STARD6: variants seen among roughly 807,000 people sequenced by gnomAD.
STARD6 encodes the protein StAR related lipid transfer domain containing 6.
STARD6 carries 21 observed loss-of-function variants against 22.3 expected under a neutral mutation model. That is an observed-to-expected ratio of 0.94 (90% CI 0.67 to 1.35). The LOEUF (loss-of-function observed/expected upper bound fraction) is 1.35. STARD6 is among the 40% of genes most tolerant of loss of function. STARD6 has a pLI of 0.00. For synonymous variants in STARD6, 80 were observed against 88.1 expected (o/e 0.91, Z 0.52); for missense variants, 269 against 266.9 (o/e 1.01, Z -0.05).
intron 4 of STARD6, among the ~76,000 whole-genome samples, chr18:54,341,777 G>C (rs994991824): frequency 1.3e-5 from 2 of 152,118 alleles, no homozygotes; most frequent in Admixed American, 6.5e-5. Context: ...GCAGTGCTTA[G>C]AGGAAAATTT....
chr18:54,339,127 GAA>G (rs202065894), intron 4 of STARD6, among the ~76,000 whole-genome samples: 1 of 111,198 alleles, frequency 9.0e-6, no homozygotes, highest in Non-Finnish European at 1.9e-5. Context: ...ACGAAAGCAG[GAA>G]AAAAAAAAGG....
chr18:54,337,097 A>G (rs1249227839), intron 5 of STARD6, 28 bp downstream of exon 5: 2 of 1,583,096 alleles, frequency 1.3e-6, no homozygotes, highest in Non-Finnish European at 1.7e-6. Context: ...TTAATGTTCT[A>G]GAAGTCCAGT....
At chr18:54,351,588 T>C (rs889329798) in intron 4 of STARD6, among the ~76,000 whole-genome samples, 1 of 152,230 alleles carries the variant, frequency 6.6e-6, no homozygotes, top group African/African-American at 2.4e-5. Flanking sequence ...GGGTTTGTTA[T>C]AGATGGCTTT....
At chr18:54,351,898 CGT>C (rs1491401643) in intron 4 of STARD6, among the ~76,000 whole-genome samples, 6,434 of 61,140 alleles carry the variant, frequency 0.11, 213 homozygotes, top group African/African-American at 0.2. Flanking sequence ...GATATTGGTC[CGT>C]TTTTTTTTTT....
chr18:54,333,542 G>A (rs1415873321), intron 5 of STARD6, among the ~76,000 whole-genome samples: 2 of 152,208 alleles, frequency 1.3e-5, no homozygotes, highest in African/African-American at 4.8e-5. Flanking sequence ...TTTCATTTGT[G>A]ATGCCCAGTG....
chr18:54,335,447 G>A (rs1240328592), intron 5 of STARD6, among the ~76,000 whole-genome samples: 1 of 152,014 alleles, frequency 6.6e-6, no homozygotes, highest in Non-Finnish European at 1.5e-5. Context: ...ACCCGCCTCT[G>A]CCTCCCAAAG....
intron 2 of STARD6, among the ~76,000 whole-genome samples, chr18:54,354,809 T>C (rs2089130004): frequency 6.6e-6 from 1 of 152,242 alleles, no homozygotes; most frequent in South Asian, 2.1e-4. Flanking sequence ...GGTCATATCT[T>C]GTCTCTGCCA....
At chr18:54,331,943 AT>A in intron 5 of STARD6, 84 bp from the exon 6 acceptor site, 5 of 891,830 alleles carry the variant, frequency 5.6e-6, no homozygotes, top group Non-Finnish European at 8.5e-6. Flanking sequence ...TTTATTGCAT[AT>A]GATTGGCCTC....
At chr18:54,354,443 A>G (rs754649763) in intron 3 of STARD6, 41 bp downstream of exon 3, 2 of 1,520,110 alleles carry the variant, frequency 1.3e-6, no homozygotes. Flanking sequence ...TTTCTTACTT[A>G]AAAACAAAGT....
At chr18:54,327,466 G>A (rs1315648107) in intron 7 of STARD6, among the ~76,000 whole-genome samples, 1 of 152,054 alleles carries the variant, frequency 6.6e-6, no homozygotes, top group Non-Finnish European at 1.5e-5. Flanking sequence ...AGTTCAAGGA[G>A]GAAAGGAATG....
Position 54,337,220 on chromosome 18 carries a change from G to A in STARD6, c.172C>T (p.Pro58Ser). The change falls in exon 5 of 8, where the codon CCA becomes TCA. Residue 58 changes from proline to serine, a missense_variant. Physicochemically the swap from Pro to Ser is moderately conservative, Grantham distance 74. Coordinates refer to ENST00000307844, the MANE Select transcript of STARD6 (RefSeq NM_139171.2). ...YRVEGIIPES[P>S]AKLSDFLYQT... is the part of the protein sequence containing the mutation. The stretch of plus-strand genomic sequence containing the variant: ...TAGAGGAAATCAGATAGTTTAGCTG[G>A]TGATTCTGGAATTATCCCTTCAACA... 13 of 1,613,318 alleles carry A rather than the reference G, an allele frequency of 8.1e-6. No individual in the cohort carries two copies. Among genetic ancestry groups the A allele is most frequent in the Non-Finnish European group, 1.1e-5 (13 of 1,179,642 alleles).
At chr18:54,349,339 AGAG>A (rs1054633540) in intron 4 of STARD6, among the ~76,000 whole-genome samples, 2 of 152,134 alleles carry the variant, frequency 1.3e-5, no homozygotes, top group African/African-American at 2.4e-5. Flanking sequence ...TTGCCAGGCA[AGAG>A]GAGAGCAACT....
Position 54,324,608 on chromosome 18 carries a change from T to C in STARD6, c.*84A>G. The C allele has an allele frequency of 7.5e-7, 1 of 1,328,264 alleles. No homozygotes were observed. The highest frequency in any genetic ancestry group is 1.3e-5 in the South Asian group (1 of 76,430). The allele number at this position is 1,328,264 out of a possible 1,614,324, so 82.3% of individuals were successfully genotyped here. A position where few individuals can be genotyped will look rare whatever the true frequency, so the allele number is the denominator to read the frequency against. On this transcript the variant is annotated 3_prime_UTR_variant, in exon 8 of 8. Transcript: ENST00000307844. Reference sequence around the variant, plus strand: ...TGTCTAGAATAGTTTAACAGTATTATTTATGTGCGTTGACTTAGAAGTAAA... The same window carrying C: ...TGTCTAGAATAGTTTAACAGTATTACTTATGTGCGTTGACTTAGAAGTAAA...
At chr18:54,346,662 A>T (rs910608195) in intron 4 of STARD6, among the ~76,000 whole-genome samples, 1 of 152,156 alleles carries the variant, frequency 6.6e-6, no homozygotes, top group Non-Finnish European at 1.5e-5. Flanking sequence ...CTAAGTATAT[A>T]TTAACTGACG....
In STARD6 at chr18:54,335,339, C is replaced by T. The variant is rs540773534; in HGVS notation, c.267+1786G>A. On this transcript the variant is annotated intron_variant, in intron 5 of 7. Coordinates refer to ENST00000307844, the MANE Select transcript of STARD6 (RefSeq NM_139171.2). ...CCTCCCGAGTAGCTGGGGTCACAGG[C>T]GCATGCAACCACGCCTGGCTAATTT... 3.3e-5 allele frequency among the ~76,000 whole-genome samples: 5 copies of T among 151,984 alleles called. 1 individual carries two copies. In the South Asian group the frequency reaches 6.3e-4, roughly 19 times the overall value.
At chr18:54,330,617 G>T (rs12454610) in intron 6 of STARD6, among the ~76,000 whole-genome samples, 54,250 of 151,818 alleles carry the variant, frequency 0.36, 11,250 homozygotes, top group East Asian at 0.68. Flanking sequence ...AAAAAGAAAT[G>T]TTAAGAAAAC....
rs77515180 is a variant in STARD6, at chr18:54,348,566, T to C, written c.140+5488A>G. Among the ~76,000 whole-genome samples, 102 of 152,316 alleles carry C rather than the reference T, an allele frequency of 6.7e-4. 3 individuals carry two copies. In the East Asian group the frequency reaches 0.018, roughly 27 times the overall value. ...GGTGACTTGGAGATAGTAACTTACA[T>C]AGGCCCTTATTCATTTGTAAAATGG... On this transcript the variant is annotated intron_variant, in intron 4 of 7. Coordinates refer to ENST00000307844, the MANE Select transcript of STARD6 (RefSeq NM_139171.2).
chr18:54,331,815 G>T lies in STARD6; in HGVS notation c.312C>A (p.Gly104=). 6.2e-7 allele frequency: 1 copy of T among 1,613,352 alleles called. No homozygotes were observed. The highest frequency in any genetic ancestry group is 1.1e-5 in the South Asian group (1 of 90,924). ...CGATAAAGTCTCGAGGGGAAATGGA[G>T]CCCACGGCAAAACTTTGTGTAATGG... ...CHTITQSFAV[G]SISPRDFIDL... The change falls in exon 6 of 8, where the codon GGC becomes GGA. Residue 104 remains glycine (G), a synonymous_variant. Coordinates refer to ENST00000307844, the MANE Select transcript of STARD6 (RefSeq NM_139171.2).
chr18:54,353,452 T>A (rs1048993306), intron 4 of STARD6, among the ~76,000 whole-genome samples: 1 of 152,222 alleles, frequency 6.6e-6, no homozygotes, highest in Non-Finnish European at 1.5e-5. Flanking sequence ...GCAGATCGCT[T>A]GGGCTCAGGA....
Sources: allele counts gnomAD v4.1 joint callset (sites outside exome capture counted in the v4.1 genomes callset), GRCh38; gene constraint gnomAD v4.1.1; transcripts MANE v1.5; gene names NCBI Gene and HGNC (gene_info 2026-07-23, HGNC 2026-07-21).